The following CUX2 variants were observed in gnomAD, a reference collection of about 807,000 sequenced individuals.
The protein encoded by CUX2 is homeobox protein cut-like 2.
In CUX2, 40 loss-of-function variants were observed where a neutral mutation model predicts 144.8. The observed-to-expected ratio is 0.28, with a 90% confidence interval of 0.21 to 0.36. The LOEUF is 0.36. CUX2 is among the 10% of genes least tolerant of loss of function. CUX2 has a pLI of 1.00. For synonymous variants in CUX2, 827 were observed against 875.6 expected, an observed-to-expected ratio of 0.94 and a Z score of 0.98; for missense variants, 1,615 against 1,994.0, an observed-to-expected ratio of 0.81 and a Z score of 3.62.
intron 1 of CUX2, among the ~76,000 whole-genome samples, chr12:111,111,979 T>C (rs1369422145): frequency 2.0e-5 from 3 of 152,146 alleles, no homozygotes; most frequent in Non-Finnish European, 1.5e-5. Flanking sequence ...GAAGTCCCTG[T>C]GGGGTCTGTA....
intron 1 of CUX2, among the ~76,000 whole-genome samples, chr12:111,158,764 G>GA (rs957344958): frequency 1.4e-4 from 21 of 151,072 alleles, no homozygotes; most frequent in Non-Finnish European, 3.0e-5. Context: ...TCTACTTAAA[G>GA]AAAAAAAAAG....
At chr12:111,198,398 C>T (rs1880371027) in intron 1 of CUX2, among the ~76,000 whole-genome samples, 1 of 151,414 alleles carries the variant, frequency 6.6e-6, no homozygotes, top group Admixed American at 6.6e-5. Context: ...TCGCTTGAAC[C>T]TGGGAAGCGG....
At chr12:111,036,093 T>G (rs1055915251) in intron 1 of CUX2, among the ~76,000 whole-genome samples, 1 of 152,180 alleles carries the variant, frequency 6.6e-6, no homozygotes, top group Non-Finnish European at 1.5e-5. Context: ...TTATGATTGA[T>G]GTTCTGTAAC....
rs771981708 is a variant in CUX2, at chr12:111,310,564, G to A, written c.1782G>A (p.Arg594=). Residue 594 remains arginine, a synonymous_variant, in exon 15 of 22, where the codon CGG becomes CGA. Transcript: ENST00000261726. The surrounding 1 kb of genome is among the most constrained non-coding windows in gnomAD (Gnocchi z 7.9). The stretch of plus-strand genomic sequence containing the variant: ...GCTCGGTCAGCGAGATCCTAGCCCG[G>A]CCCAAGCCCTGGCGCAAGCTCACGG... The part of the protein sequence containing the change: ...SQGSVSEILA[R]PKPWRKLTVK... 2.9e-5 allele frequency: 47 copies of A among 1,613,846 alleles called. No individual in the cohort carries two copies. The highest frequency in any genetic ancestry group is 2.4e-5 in the Non-Finnish European group (28 of 1,180,008).
chr12:111,348,114 C>A lies in CUX2; in HGVS notation c.4250C>A (p.Ser1417Ter). ...MMSVSPVPSS[S>*]APISPSPPGA... ...TCTGTGTCACCTGTCCCCTCCTCCT[C>A]AGCTCCCATCTCCCCATCCCCACCT... is the stretch of plus-strand genomic sequence containing the variant. The change falls in exon 22 of 22, where the codon TCA becomes TAA. Residue 1417 changes from serine to a stop codon, truncating the protein, a stop_gained. Coordinates refer to ENST00000261726, the MANE Select transcript of CUX2 (RefSeq NM_015267.4). LOFTEE classifies it high-confidence loss of function. 6.2e-7 allele frequency: 1 copy of A among 1,614,172 alleles called. No individual in the cohort carries two copies. The highest frequency in any genetic ancestry group is 8.5e-7 in the Non-Finnish European group (1 of 1,180,024).
intron 3 of CUX2, among the ~76,000 whole-genome samples, chr12:111,231,312 C>T (rs1327009814): frequency 2.0e-5 from 3 of 152,142 alleles, no homozygotes; most frequent in African/African-American, 4.8e-5. Context: ...TTTGTCCTTT[C>T]GTGACTGGCT....
chr12:111,283,058 CA>C (rs534560328), intron 4 of CUX2, among the ~76,000 whole-genome samples: 8 of 147,074 alleles, frequency 5.4e-5, no homozygotes, highest in East Asian at 2.0e-4. Flanking sequence ...ACTAAAAATA[CA>C]AAAAAAAAAT....
In CUX2 at chr12:111,263,555, G is replaced by A. The variant is rs562413358; in HGVS notation, c.223-206G>A. On this transcript the variant is annotated intron_variant, in intron 3 of 21. Transcript: ENST00000261726. The surrounding 1 kb of genome is among the most constrained non-coding windows in gnomAD (Gnocchi z 4.0). ...CAGAAGAATTACTTGAACCCAGGAG[G>A]CGGAGGTTACAGTGAGCTGAGATCA... Among the ~76,000 whole-genome samples, 2 of 152,074 alleles carry A rather than the reference G, an allele frequency of 1.3e-5. No individual in the cohort carries two copies. The highest frequency in any genetic ancestry group is 2.9e-5 in the Non-Finnish European group (2 of 68,044).
At chr12:111,100,883 C>T (rs1394093094) in intron 1 of CUX2, among the ~76,000 whole-genome samples, 1 of 152,172 alleles carries the variant, frequency 6.6e-6, no homozygotes, top group East Asian at 1.9e-4. Flanking sequence ...TAGAGCCCTC[C>T]CTGGGCAGCT....
At chr12:111,113,415 C>T (rs1048315407) in intron 1 of CUX2, among the ~76,000 whole-genome samples, 3 of 151,970 alleles carry the variant, frequency 2.0e-5, no homozygotes, top group Admixed American at 1.3e-4. Context: ...TGTTGCTGCT[C>T]CTTTACATCC....
At chr12:111,158,985 A>G (rs1212173163) in intron 1 of CUX2, among the ~76,000 whole-genome samples, 1 of 152,190 alleles carries the variant, frequency 6.6e-6, no homozygotes, top group African/African-American at 2.4e-5. Context: ...AGAGGGGCGC[A>G]GGAAATGGGA....
chr12:111,274,476 G>C (rs1884767737), intron 4 of CUX2, among the ~76,000 whole-genome samples: 1 of 152,102 alleles, frequency 6.6e-6, no homozygotes, highest in South Asian at 2.1e-4. Flanking sequence ...GGTGCTGGTG[G>C]TGGTGGTATT....
intron 1 of CUX2, among the ~76,000 whole-genome samples, chr12:111,136,908 T>G (rs915185734): frequency 2.0e-5 from 3 of 151,996 alleles, no homozygotes; most frequent in Admixed American, 2.0e-4. Context: ...TGTGTCAAGA[T>G]TTGGTCTAAG....
At position 111,305,609 on chromosome 12, in the gene CUX2, T is replaced by C. The variant is rs1592943165; in HGVS notation, c.858+1295T>C. On this transcript the variant is annotated intron_variant, in intron 10 of 21. Coordinates refer to ENST00000261726, the MANE Select transcript of CUX2 (RefSeq NM_015267.4). ...CTCTTAGGAGGCTGAGGCAGGAGGA[T>C]CACTTGAGCCCAGGAGTTTGAGTCC... Among the ~76,000 whole-genome samples, 5 of 152,062 alleles carry C rather than the reference T, an allele frequency of 3.3e-5. 1 individual carries two copies. The highest frequency in any genetic ancestry group is 3.3e-4 in the Admixed American group (5 of 15,270).
chr12:111,146,080 G>C (rs1876649110), intron 1 of CUX2, among the ~76,000 whole-genome samples: 1 of 152,120 alleles, frequency 6.6e-6, no homozygotes, highest in Non-Finnish European at 1.5e-5. Context: ...AGAGCATATA[G>C]AGAATTTCCA....
At chr12:111,092,594 A>G (rs974787453) in intron 1 of CUX2, among the ~76,000 whole-genome samples, 2 of 152,174 alleles carry the variant, frequency 1.3e-5, no homozygotes, top group Admixed American at 1.3e-4. Context: ...GCCTGGAATC[A>G]GGGCTGGATC....
At chr12:111,089,395 CA>C (rs1213560613) in intron 1 of CUX2, among the ~76,000 whole-genome samples, 2 of 152,078 alleles carry the variant, frequency 1.3e-5, no homozygotes, top group Non-Finnish European at 2.9e-5. Context: ...CTGTAGGGGA[CA>C]AAAAATGCTA....
In CUX2 at chr12:111,310,312, C is replaced by T. The variant is rs925892329; in HGVS notation, c.1530C>T (p.Ala510=). 41 of 1,505,682 alleles carry T rather than the reference C, an allele frequency of 2.7e-5. No individual in the cohort carries two copies. Among genetic ancestry groups the T allele is most frequent in the Non-Finnish European group, 3.6e-5 (40 of 1,123,282 alleles). The allele number at this position is 1,505,682 out of a possible 1,614,324, so 93.3% of individuals were successfully genotyped here. The change falls in exon 15 of 22, where the codon GCC becomes GCT. Residue 510 remains alanine (A), a synonymous_variant. Transcript: ENST00000261726. The surrounding 1 kb of genome is among the most constrained non-coding windows in gnomAD (Gnocchi z 7.9). The stretch of plus-strand genomic sequence containing the variant: ...GCGGCCTGCTGGTGTTCCCCCCAGC[C>T]TTCTATGGCGCCAAGCCCCCCACAG... ...EAGGLLVFPP[A]FYGAKPPTAP... is the part of the protein sequence containing the mutation.
Position 111,341,860 on chromosome 12 carries a change from C to T in CUX2, c.3466C>T (p.Pro1156Ser). The change falls in exon 21 of 22, where the codon CCC becomes TCC. Residue 1156 changes from proline (P) to serine (S), a missense_variant. Physicochemically the swap from Pro to Ser is moderately conservative, Grantham distance 74. Around this residue, in one of 12 missense-constraint regions of CUX2, gnomAD observed 131 missense variants for 223.1 expected, o/e 0.59. Transcript: ENST00000261726. ...GGCCACCCGCTCAGAGTGCCCCAGC[C>T]CCTGCCTGCAGCCCCAGGACCTGAG... ...SPATRSECPSPCLQPQDLSLL... is the reference protein window; with the variant it reads ...SPATRSECPSSCLQPQDLSLL... 6.2e-7 allele frequency: 1 copy of T among 1,613,922 alleles called. No individual in the cohort carries two copies. The highest frequency in any genetic ancestry group is 1.1e-5 in the South Asian group (1 of 91,078).
Sources: allele counts gnomAD v4.1 joint callset (sites outside exome capture counted in the v4.1 genomes callset), GRCh38; gene constraint gnomAD v4.1.1; regional missense constraint gnomAD v4.1.1; non-coding constraint Gnocchi (gnomAD v3.1); transcripts MANE v1.5; gene names NCBI Gene and HGNC (gene_info 2026-07-23, HGNC 2026-07-21).